Variants in RBFOX1 observed in about 807,000 individuals in gnomAD.
RBFOX1 encodes the protein RNA binding protein fox-1 homolog 1.
A neutral mutation model predicts 57.7 loss-of-function variants in RBFOX1; 8 were observed. The ratio of observed to expected loss-of-function variants is 0.14; its 90% CI spans 0.08 to 0.25. The LOEUF (loss-of-function observed/expected upper bound fraction) is 0.25, where lower values mean the gene tolerates loss of function less well. Ranked by LOEUF, RBFOX1 falls within the 10% of genes least tolerant of loss-of-function variation. RBFOX1 has a pLI of 1.00. For synonymous variants in RBFOX1, 326 were observed against 222.4 expected (o/e 1.47, Z -4.15); for missense variants, 611 against 548.5 (o/e 1.11, Z -1.14).
chr16:7,599,649 TTC>T lies in RBFOX1; in HGVS notation c.622+2220_622+2221del, dbSNP rs1379224039. Among the ~76,000 whole-genome samples the T allele has an allele frequency of 1.0e-3, 37 of 37,166 alleles. 6 individuals carry two copies. The highest frequency in any genetic ancestry group is 1.4e-3 in the African/African-American group (33 of 23,370). The allele number at this position is 37,166 out of a possible 152,430, so 24.4% of individuals were successfully genotyped here. ...GAAATTAATAAAGACTTTTTTTTTT[TTC>T]TTTTTTTTTTTTGAGACAGGGTCTC... is the stretch of plus-strand genomic sequence containing the variant. On this transcript the variant is annotated intron_variant, in intron 9 of 15. Transcript: ENST00000550418.
intron 4 of RBFOX1, among the ~76,000 whole-genome samples, chr16:7,351,320 G>A (rs577464763): frequency 1.1e-3 from 170 of 152,328 alleles, no homozygotes; most frequent in African/African-American, 3.9e-3. Context: ...AGGTTATTAC[G>A]CATTGACTGG....
intron 4 of RBFOX1, among the ~76,000 whole-genome samples, chr16:5,907,924 T>C (rs2058501614): frequency 6.6e-6 from 1 of 151,866 alleles, no homozygotes; most frequent in South Asian, 2.1e-4. Context: ...CTAATTTTTT[T>C]ACTGTTAGTA....
chr16:6,702,887 A>T (rs1190802914), intron 3 of RBFOX1, among the ~76,000 whole-genome samples: 2 of 152,160 alleles, frequency 1.3e-5, no homozygotes, highest in East Asian at 1.9e-4. Flanking sequence ...TTATCTTCCA[A>T]ATGGAAACTT....
intron 2 of RBFOX1, among the ~76,000 whole-genome samples, chr16:5,582,820 G>A (rs1249812221): frequency 6.6e-6 from 1 of 152,138 alleles, no homozygotes; most frequent in Non-Finnish European, 1.5e-5. Context: ...CCCAAGTGCA[G>A]AAGGCAGAAG....
chr16:5,862,609 TAG>T (rs1351940654), intron 3 of RBFOX1, among the ~76,000 whole-genome samples: 11 of 152,300 alleles, frequency 7.2e-5, no homozygotes, highest in Middle Eastern at 3.4e-3. Flanking sequence ...TCTAGGATGA[TAG>T]AGACCGGGTT....
chr16:6,109,789 T>A (rs2096423242), intron 1 of RBFOX1, among the ~76,000 whole-genome samples: 1 of 152,182 alleles, frequency 6.6e-6, no homozygotes, highest in Non-Finnish European at 1.5e-5. Flanking sequence ...GTACAACATT[T>A]TGGTTTAAAA....
chr16:5,509,099 T>C (rs2043486636), intron 2 of RBFOX1, among the ~76,000 whole-genome samples: 7 of 152,142 alleles, frequency 4.6e-5, no homozygotes, highest in Admixed American at 4.6e-4. Context: ...GAAAACTGGG[T>C]CTCAGAGGCA....
chr16:6,752,900 T>C (rs2075190391), intron 3 of RBFOX1, among the ~76,000 whole-genome samples: 1 of 152,134 alleles, frequency 6.6e-6, no homozygotes, highest in Non-Finnish European at 1.5e-5. Context: ...CCCAGAGAAT[T>C]TTTATCTTCC....
intron 2 of RBFOX1, among the ~76,000 whole-genome samples, chr16:5,553,039 A>G (rs1193772444): frequency 6.6e-6 from 1 of 152,150 alleles, no homozygotes; most frequent in East Asian, 1.9e-4. Context: ...AGGATAGAAA[A>G]CAAAACACCG....
chr16:6,205,426 G>T (rs974661254), intron 1 of RBFOX1, among the ~76,000 whole-genome samples: 1 of 152,124 alleles, frequency 6.6e-6, no homozygotes, highest in East Asian at 1.9e-4. Context: ...GGCATTTTTT[G>T]ACTTTCAGAT....
At chr16:5,685,657 G>C (rs1284635952) in intron 3 of RBFOX1, among the ~76,000 whole-genome samples, 1 of 152,182 alleles carries the variant, frequency 6.6e-6, no homozygotes, top group Admixed American at 6.5e-5. Flanking sequence ...AAGGTGAGCT[G>C]TTGGCTCAAG....
At chr16:7,040,319 G>A (rs1165334090) in intron 3 of RBFOX1, among the ~76,000 whole-genome samples, 1 of 151,974 alleles carries the variant, frequency 6.6e-6, no homozygotes, top group African/African-American at 2.4e-5. Context: ...GTGCCCGGCT[G>A]AGTTATTTTA....
intron 1 of RBFOX1, among the ~76,000 whole-genome samples, chr16:6,210,211 G>T (rs1020876415): frequency 3.3e-5 from 5 of 151,332 alleles, no homozygotes; most frequent in African/African-American, 1.2e-4. Context: ...CCAGCTACTT[G>T]GGAGGCTGAG....
chr16:5,779,203 G>C (rs13332522), intron 3 of RBFOX1, among the ~76,000 whole-genome samples: 41,373 of 151,664 alleles, frequency 0.27, 6,026 homozygotes, highest in East Asian at 0.55. Context: ...CCCCCCTCAC[G>C]TCGTGTGCAG....
intron 4 of RBFOX1, among the ~76,000 whole-genome samples, chr16:5,910,860 C>T (rs1030503751): frequency 6.6e-6 from 1 of 152,150 alleles, no homozygotes; most frequent in African/African-American, 2.4e-5. Context: ...CTCCCTGTTC[C>T]GTGACAGATG....
intron 14 of RBFOX1, among the ~76,000 whole-genome samples, chr16:7,700,247 T>C (rs1462282876): frequency 2.0e-5 from 3 of 152,172 alleles, no homozygotes; most frequent in African/African-American, 7.2e-5. Context: ...TGCAGTCCTC[T>C]CAGTCTTAAT....
intron 3 of RBFOX1, among the ~76,000 whole-genome samples, chr16:6,782,797 G>GT (rs1432459067): frequency 2.0e-5 from 3 of 152,176 alleles, no homozygotes; most frequent in Admixed American, 6.5e-5. Flanking sequence ...TTCTTTCTAG[G>GT]TTTTTTGTCC....
chr16:6,770,127 A>C (rs901779797), intron 3 of RBFOX1, among the ~76,000 whole-genome samples: 1 of 152,230 alleles, frequency 6.6e-6, no homozygotes, highest in Non-Finnish European at 1.5e-5. Flanking sequence ...TATTAAGCAG[A>C]AAGGCAGCTT....
At chr16:7,566,563 C>G (rs893716168) in intron 5 of RBFOX1, among the ~76,000 whole-genome samples, 4 of 152,136 alleles carry the variant, frequency 2.6e-5, no homozygotes, top group African/African-American at 9.7e-5. Context: ...CTCTGAGCCT[C>G]AGTTTTCCTA....
Sources: gnomAD v4.1 joint callset for allele counts (sites outside exome capture counted in the v4.1 genomes callset) on GRCh38, gnomAD v4.1.1 for gene constraint, MANE v1.5 for transcripts, NCBI Gene and HGNC (gene_info 2026-07-23, HGNC 2026-07-21) for gene names.